KHDRBS2: variants seen among roughly 807,000 people sequenced by gnomAD.
KHDRBS2 encodes KH domain-containing, RNA-binding, signal transduction-associated protein 2.
A neutral mutation model predicts 44.3 loss-of-function variants in KHDRBS2; 26 were observed. The observed-to-expected ratio is 0.59, with a 90% CI of 0.43 to 0.81. The LOEUF (loss-of-function observed/expected upper bound fraction) is 0.81. Ranked by LOEUF, KHDRBS2 falls within the 40% of genes least tolerant of loss-of-function variation. The pLI, the probability that KHDRBS2 is intolerant of heterozygous loss-of-function variation, is 0.00. For synonymous variants in KHDRBS2, 194 were observed against 151.1 expected (o/e 1.28, Z -2.08); for missense variants, 476 against 433.1 (o/e 1.10, Z -0.88).
chr6:62,141,478 T>C lies in KHDRBS2; in HGVS notation c.219+35707A>G, dbSNP rs116812532. Among the ~76,000 whole-genome samples, 1,244 of 152,290 alleles carry C rather than the reference T, an allele frequency of 8.2e-3. 14 individuals carry two copies. Among genetic ancestry groups the C allele is most frequent in the African/African-American group, 0.029 (1,188 of 41,570 alleles). ...AGAGGAAGGAGATGCCCTTGGGTTTTATGACTTTTCTCCATAAAATACATT... is the reference window on the plus strand; with the variant it reads ...AGAGGAAGGAGATGCCCTTGGGTTTCATGACTTTTCTCCATAAAATACATT... On this transcript the variant is annotated intron_variant, in intron 2 of 8. Transcript: ENST00000281156.
chr6:62,235,533 G>C (rs1563110078), intron 1 of KHDRBS2, among the ~76,000 whole-genome samples: 1 of 151,946 alleles, frequency 6.6e-6, no homozygotes, highest in Non-Finnish European at 1.5e-5. Context: ...TCTGGGATCA[G>C]ATATTATGTA....
intron 1 of KHDRBS2, among the ~76,000 whole-genome samples, chr6:62,216,945 A>G (rs1830103728): frequency 1.3e-5 from 2 of 150,840 alleles, no homozygotes; most frequent in African/African-American, 4.9e-5. Context: ...AGGGTTTGGT[A>G]TCAGAAAGAT....
At chr6:62,001,364 GAAATCCTTAC>G (rs1281114841) in intron 3 of KHDRBS2, among the ~76,000 whole-genome samples, 3 of 150,898 alleles carry the variant, frequency 2.0e-5, no homozygotes, top group African/African-American at 7.3e-5. Context: ...ACGTAAAATT[GAAATCCTTAC>G]AATCATTCAT....
chr6:61,670,609 G>C, the KHDRBS2 span, among the ~76,000 whole-genome samples: 1 of 151,402 alleles, frequency 6.6e-6, no homozygotes, highest in Non-Finnish European at 1.5e-5. Flanking sequence ...CTTCATTCCA[G>C]TCACAGACTT....
intron 4 of KHDRBS2, among the ~76,000 whole-genome samples, chr6:61,923,893 T>C (rs1254403705): frequency 6.6e-6 from 1 of 152,122 alleles, no homozygotes; most frequent in Non-Finnish European, 1.5e-5. Flanking sequence ...CATTGGTTTA[T>C]GTAAATCATT....
intron 2 of KHDRBS2, among the ~76,000 whole-genome samples, chr6:62,137,247 C>A (rs1357022886): frequency 1.3e-5 from 2 of 151,986 alleles, no homozygotes; most frequent in African/African-American, 2.4e-5. Context: ...AGGATCCGCC[C>A]GCCTTGGCCT....
intron 6 of KHDRBS2, among the ~76,000 whole-genome samples, chr6:61,861,005 G>C (rs1562320628): frequency 1.3e-5 from 2 of 151,916 alleles, no homozygotes; most frequent in South Asian, 2.1e-4. Context: ...TTTGTTGTCT[G>C]CATGTATGTC....
intron 2 of KHDRBS2, among the ~76,000 whole-genome samples, chr6:62,071,026 G>A (rs566509386): frequency 1.5e-3 from 230 of 151,984 alleles, no homozygotes; most frequent in Non-Finnish European, 1.3e-3. Flanking sequence ...TTTAATGATC[G>A]CCATTTAACT....
At chr6:61,555,544 G>C in the KHDRBS2 span, among the ~76,000 whole-genome samples, 1 of 152,092 alleles carries the variant, frequency 6.6e-6, no homozygotes, top group African/African-American at 2.4e-5. Context: ...AAAAATTGTT[G>C]GGGAACTTGT....
chr6:62,171,619 G>A (rs1820023491), intron 2 of KHDRBS2, among the ~76,000 whole-genome samples: 1 of 151,270 alleles, frequency 6.6e-6, no homozygotes, highest in African/African-American at 2.4e-5. Flanking sequence ...CCATCCCCAA[G>A]ACACATAGTC....
At chr6:61,979,704 A>G (rs1259233007) in intron 3 of KHDRBS2, among the ~76,000 whole-genome samples, 1 of 152,140 alleles carries the variant, frequency 6.6e-6, no homozygotes, top group Non-Finnish European at 1.5e-5. Context: ...AGCTTTTCTT[A>G]GTGCCCAATT....
chr6:61,760,656 A>G (rs1779144101), intron 6 of KHDRBS2, among the ~76,000 whole-genome samples: 1 of 152,114 alleles, frequency 6.6e-6, no homozygotes, highest in South Asian at 2.1e-4. Context: ...AAAAAAAGAA[A>G]AAAAAAGAAA....
At chr6:61,676,472 A>G (rs1323871741), downstream of KHDRBS2, among the ~76,000 whole-genome samples, 1 of 151,698 alleles carries the variant, frequency 6.6e-6, no homozygotes, top group Non-Finnish European at 1.5e-5. Context: ...TTCTGGAGGC[A>G]CTGGTGGCAG....
chr6:62,199,711 C>A lies in KHDRBS2; in HGVS notation c.92-22399G>T, dbSNP rs146641875. 3.7e-3 allele frequency among the ~76,000 whole-genome samples: 564 copies of A among 152,282 alleles called. 6 individuals carry two copies. The highest frequency in any genetic ancestry group is 0.013 in the African/African-American group (545 of 41,544). On this transcript the variant is annotated intron_variant, in intron 1 of 8. Transcript: ENST00000281156. ...TCCCCATCAAGCTACCAATGACTTT[C>A]TTCACAGAATTCGAAAAAACTACTT...
At chr6:61,676,278 T>C (rs2127535974), downstream of KHDRBS2, among the ~76,000 whole-genome samples, 1 of 151,974 alleles carries the variant, frequency 6.6e-6, no homozygotes, top group Middle Eastern at 3.4e-3. Flanking sequence ...AGTTATGACT[T>C]GCCTATAAAT....
chr6:61,910,383 T>C (rs1212216505), intron 4 of KHDRBS2, among the ~76,000 whole-genome samples: 3 of 152,224 alleles, frequency 2.0e-5, no homozygotes, highest in Admixed American at 6.5e-5. Context: ...ATAAGTTTTG[T>C]ATAAAGGCTT....
rs1352715929 is a variant in KHDRBS2 at position 62,271,542 on chromosome 6, C to A, written c.91+14316G>T. Among the ~76,000 whole-genome samples the A allele has an allele frequency of 3.9e-5, 6 of 152,118 alleles. No homozygotes were observed. In the East Asian group the frequency reaches 1.2e-3, roughly 29 times the overall value. On this transcript the variant is annotated intron_variant, in intron 1 of 8. Transcript: ENST00000281156. ...GTTAAACAGGCTCAGGCAGATCCAT[C>A]AGGAGATATTCCAGAGGGAGATATG...
At chr6:61,787,688 G>A (rs1469912127) in intron 6 of KHDRBS2, among the ~76,000 whole-genome samples, 1 of 151,646 alleles carries the variant, frequency 6.6e-6, no homozygotes, top group Admixed American at 6.6e-5. Flanking sequence ...GTCTTAACCT[G>A]TGTTCCAGCC....
chr6:61,608,602 C>A, the KHDRBS2 span, among the ~76,000 whole-genome samples: 2 of 151,964 alleles, frequency 1.3e-5, no homozygotes, highest in South Asian at 4.2e-4. Flanking sequence ...CCCCACCCCC[C>A]AACAGGCCCC....
Sources: gnomAD v4.1 joint callset for allele counts (sites outside exome capture counted in the v4.1 genomes callset) on GRCh38, gnomAD v4.1.1 for gene constraint, MANE v1.5 for transcripts, NCBI Gene and HGNC (gene_info 2026-07-23, HGNC 2026-07-21) for gene names.